DCTN2: variants seen among roughly 807,000 people sequenced by gnomAD.
DCTN2 encodes the protein 50 kDa dynein-associated polypeptide.
Under a neutral mutation model 55.4 loss-of-function variants are expected in DCTN2, and 18 were observed. The ratio of observed to expected loss-of-function variants is 0.32; its 90% confidence interval spans 0.22 to 0.48. The LOEUF (loss-of-function observed/expected upper bound fraction) is 0.48, where lower values mean the gene tolerates loss of function less well. Among genes scored for constraint, DCTN2 ranks in the 20% least tolerant of loss-of-function variants. DCTN2 has a pLI of 0.99. For synonymous variants in DCTN2, 168 were observed against 185.2 expected (o/e 0.91, Z 0.76); for missense variants, 390 against 491.0 (o/e 0.79, Z 1.94).
chr12:57,541,494 T>A (rs1286033597), intron 2 of DCTN2: 2 of 992,728 alleles, frequency 2.0e-6, no homozygotes, highest in Non-Finnish European at 3.1e-6. Flanking sequence ...TCTTCTAAAC[T>A]GTAAGGAAGT....
Position 57,547,038 on chromosome 12 carries a change from A to T in DCTN2, c.26T>A (p.Leu9His). The T allele has an allele frequency of 7.8e-7, 1 of 1,287,364 alleles. No homozygotes were observed. Among genetic ancestry groups the T allele is most frequent in the Non-Finnish European group, 9.9e-7 (1 of 1,009,788 alleles). 79.7% of individuals were successfully genotyped at this position (1,287,364 alleles called of 1,614,324 possible). A position where few individuals can be genotyped will look rare whatever the true frequency, so the allele number is the denominator to read the frequency against. Reference sequence around the variant, plus strand: ...CGGTCCTGTACTCACAATGCCGGGAAGGTCGGCGTATTTAGGGTCCGCCAT... The same window carrying T: ...CGGTCCTGTACTCACAATGCCGGGATGGTCGGCGTATTTAGGGTCCGCCAT... MADPKYAD[L>H]PGIARNEPDV... The change falls in exon 1 of 14, where the codon CTT becomes CAT. Residue 9 changes from leucine to histidine, a missense_variant. Physicochemically the swap from Leu to His is moderately conservative, Grantham distance 99 (BLOSUM62 -3). Coordinates refer to ENST00000548249, the MANE Select transcript of DCTN2 (RefSeq NM_001261413.2).
At chr12:57,536,091 T>TC in intron 2 of DCTN2, 1 of 532,620 alleles carries the variant, frequency 1.9e-6, no homozygotes, top group South Asian at 2.5e-5. Context: ...GAGCATAACC[T>TC]CCCCACCCTC....
At chr12:57,538,632 G>A in intron 2 of DCTN2, 7 of 691,204 alleles carry the variant, frequency 1.0e-5, no homozygotes, top group Non-Finnish European at 1.9e-5. Flanking sequence ...TTAGCAAATT[G>A]TCACATGCAC....
chr12:57,536,468 G>A (rs1439617471), intron 2 of DCTN2, among the ~76,000 whole-genome samples: 1 of 152,200 alleles, frequency 6.6e-6, no homozygotes, highest in Non-Finnish European at 1.5e-5. Context: ...GGGCTTACTG[G>A]ATTATCTTTA....
intron 2 of DCTN2, among the ~76,000 whole-genome samples, chr12:57,541,594 A>AT (rs1594892343): frequency 6.6e-6 from 1 of 152,126 alleles, no homozygotes; most frequent in Non-Finnish European, 1.5e-5. Flanking sequence ...TGGCTAGGTC[A>AT]TTTTTTCCCC....
chr12:57,540,116 T>C (rs753908036), intron 2 of DCTN2: 329 of 984,964 alleles, frequency 3.3e-4, no homozygotes, highest in Non-Finnish European at 3.9e-4. Context: ...TGGTCGAGGC[T>C]GGGATGTCTC....
At chr12:57,537,751 G>A (rs1280520479) in intron 2 of DCTN2, among the ~76,000 whole-genome samples, 3 of 152,184 alleles carry the variant, frequency 2.0e-5, no homozygotes, top group Non-Finnish European at 4.4e-5. Flanking sequence ...CCATATGCAA[G>A]TGCCCGGGGG....
chr12:57,534,689 A>G (rs1383593259), intron 5 of DCTN2, among the ~76,000 whole-genome samples: 2 of 152,098 alleles, frequency 1.3e-5, no homozygotes, highest in East Asian at 3.9e-4. Flanking sequence ...ATTTTTTGAG[A>G]TGGAGTCTCG....
Position 57,530,786 on chromosome 12 carries a change from G to A in DCTN2, c.1120-11C>T, listed in dbSNP as rs1360399031. 3 of 1,610,184 alleles carry A rather than the reference G, an allele frequency of 1.9e-6. No individual in the cohort carries two copies. The highest frequency in any genetic ancestry group is 2.5e-6 in the Non-Finnish European group (3 of 1,176,680). ...CATGGTTGTCTGCACCTACAAAGTG[G>A]TAGAGAGGTTTTACTCTTTGTCAGG... On this transcript the variant is annotated splice_polypyrimidine_tract_variant and intron_variant, in intron 13 of 13. Coordinates refer to ENST00000548249, the MANE Select transcript of DCTN2 (RefSeq NM_001261413.2).
chr12:57,539,147 G>A (rs927107260), intron 2 of DCTN2, among the ~76,000 whole-genome samples: 1 of 152,236 alleles, frequency 6.6e-6, no homozygotes, highest in Non-Finnish European at 1.5e-5. Context: ...AATATGTCAG[G>A]TACAGATGGT....
intron 6 of DCTN2, 43 bp from the exon 7 acceptor site, chr12:57,534,140 A>C (rs1404519418): frequency 7.8e-6 from 12 of 1,543,948 alleles, no homozygotes; most frequent in Non-Finnish European, 1.0e-5. Context: ...TGGAAGGAGA[A>C]GGGCCAGTCA....
intron 1 of DCTN2, 29 bp downstream of exon 1, chr12:57,546,999 T>A: frequency 7.8e-7 from 1 of 1,286,380 alleles, no homozygotes; most frequent in Non-Finnish European, 9.9e-7. Flanking sequence ...GGCGCGGTCC[T>A]GGGGAGCCGG....
chr12:57,538,703 G>C (rs980103717), intron 2 of DCTN2: 11 of 589,056 alleles, frequency 1.9e-5, no homozygotes, highest in Admixed American at 5.4e-5. Flanking sequence ...GCGAAATTTA[G>C]GGGCCAAGAA....
At position 57,530,387 on chromosome 12, in the gene DCTN2, A is replaced by G; in HGVS notation, c.*302T>C. On this transcript the variant is annotated 3_prime_UTR_variant, in exon 14 of 14. Coordinates refer to ENST00000548249, the MANE Select transcript of DCTN2 (RefSeq NM_001261413.2). ...AGCCACAGAAGCTGTGTTGGGGGAC[A>G]AGACCCAATCCTTCCCCACACCAGG... The G allele has an allele frequency of 3.0e-6, 1 of 329,376 alleles. No homozygotes were observed. The highest frequency in any genetic ancestry group is 5.7e-6 in the Non-Finnish European group (1 of 175,200). 20.4% of individuals were successfully genotyped at this position (329,376 alleles called of 1,614,324 possible). A position where few individuals can be genotyped will look rare whatever the true frequency, so the allele number is the denominator to read the frequency against.
At chr12:57,545,443 C>T (rs962853433) in intron 2 of DCTN2, among the ~76,000 whole-genome samples, 11 of 152,164 alleles carry the variant, frequency 7.2e-5, no homozygotes, top group Non-Finnish European at 1.5e-4. Flanking sequence ...AATGTTTCCC[C>T]TCACAGTTAA....
intron 2 of DCTN2, among the ~76,000 whole-genome samples, chr12:57,545,217 A>G (rs1881046699): frequency 6.6e-6 from 1 of 152,244 alleles, no homozygotes; most frequent in Non-Finnish European, 1.5e-5. Flanking sequence ...CAGAAATAAT[A>G]GAACCTAAAA....
At chr12:57,534,127 G>C (rs1441221869) in intron 6 of DCTN2, 30 bp from the exon 7 acceptor site, 3 of 1,559,768 alleles carry the variant, frequency 1.9e-6, no homozygotes, top group South Asian at 2.4e-5. Context: ...ATAATATCAT[G>C]ACTGGAAGGA....
At chr12:57,538,567 G>A in intron 2 of DCTN2, 1 of 746,310 alleles carries the variant, frequency 1.3e-6, no homozygotes, top group Non-Finnish European at 2.5e-6. Flanking sequence ...AGAGTTAAAA[G>A]GAAAGGGAGT....
At chr12:57,541,284 C>T (rs754102424) in intron 2 of DCTN2, 19 of 1,549,084 alleles carry the variant, frequency 1.2e-5, no homozygotes, top group Non-Finnish European at 1.6e-5. Flanking sequence ...TTAGCTACAA[C>T]AATAGCACAG....
Sources: allele counts gnomAD v4.1 joint callset (sites outside exome capture counted in the v4.1 genomes callset), GRCh38; gene constraint gnomAD v4.1.1; transcripts MANE v1.5; gene names NCBI Gene and HGNC (gene_info 2026-07-23, HGNC 2026-07-21).